Variants in DBN1 observed in about 807,000 individuals in gnomAD.
DBN1 encodes drebrin 1, also known as drebrin.
Under a neutral mutation model 83.5 loss-of-function variants are expected in DBN1, and 21 were observed. The ratio of observed to expected loss-of-function variants is 0.25; its 90% confidence interval spans 0.18 to 0.36. The LOEUF (loss-of-function observed/expected upper bound fraction) is 0.36. Ranked by LOEUF, DBN1 falls within the 10% of genes least tolerant of loss-of-function variation. DBN1 has a pLI of 1.00. For missense variants in DBN1, 874 were observed against 935.7 expected, an observed-to-expected ratio of 0.93 and a Z score of 0.86; for synonymous variants, 381 against 384.9, an observed-to-expected ratio of 0.99 and a Z score of 0.12.
At position 177,468,098 on chromosome 5, in the gene DBN1, G is replaced by A. The variant is rs369746454; in HGVS notation, c.255+10C>T. 10 of 1,583,900 alleles carry A rather than the reference G, an allele frequency of 6.3e-6. No homozygotes were observed. In the African/African-American group the frequency reaches 8.2e-5, roughly 13 times the overall value. On this transcript the variant is annotated intron_variant, in intron 3 of 14. Transcript: ENST00000393565. ...GCCCTCAGCCCCCTTCCCCAGCCCC[G>A]GCCGCATACCCAGTTGATGAGCACG...
intron 8 of DBN1, among the ~76,000 whole-genome samples, chr5:177,462,873 T>A (rs1448877682): frequency 6.6e-6 from 1 of 152,042 alleles, no homozygotes; most frequent in African/African-American, 2.4e-5. Flanking sequence ...CCTTTCCCAA[T>A]CAAATCTCCC....
chr5:177,462,703 G>A (rs1018989138), intron 8 of DBN1, among the ~76,000 whole-genome samples: 1 of 152,154 alleles, frequency 6.6e-6, no homozygotes, highest in Non-Finnish European at 1.5e-5. Context: ...GAAGTCCCAG[G>A]GCTGCTCTGT....
chr5:177,467,444 C>T lies in DBN1; in HGVS notation c.477+37G>A, dbSNP rs781016025. ...CAGGCCAGACTCGGGCACCAGGCCA[C>T]GCAGGCAGAGCCCACGGGTGCCAAA... On this transcript the variant is annotated intron_variant, in intron 5 of 14. Transcript: ENST00000393565. This position sits in a 1 kb window ranked among gnomAD's most constrained non-coding sequence, Gnocchi z 9.1. 41 of 1,609,850 alleles carry T rather than the reference C, an allele frequency of 2.5e-5. No homozygotes were observed. Among genetic ancestry groups the T allele is most frequent in the East Asian group, 4.5e-5 (2 of 44,832 alleles).
chr5:177,465,443 A>G (rs1341364578), intron 8 of DBN1, among the ~76,000 whole-genome samples: 1 of 152,242 alleles, frequency 6.6e-6, no homozygotes, highest in Non-Finnish European at 1.5e-5. Context: ...GAAGGGCAGA[A>G]TTTGTGTTTA....
chr5:177,462,548 A>G, intron 8 of DBN1: 1 of 328,268 alleles, frequency 3.0e-6, no homozygotes, highest in Non-Finnish European at 4.4e-6. Context: ...TGAGCAACGC[A>G]GGATGAGGAC....
chr5:177,468,934 G>A (rs1375848473), intron 1 of DBN1, 35 bp from the exon 2 acceptor site: 1 of 1,299,778 alleles, frequency 7.7e-7, no homozygotes, highest in Non-Finnish European at 9.9e-7. Flanking sequence ...CAAACTGTCA[G>A]GGCCCAGGCC....
intron 8 of DBN1, 133 bp from the exon 9 acceptor site, chr5:177,460,836 G>A: frequency 1.1e-6 from 1 of 883,690 alleles, no homozygotes; most frequent in Middle Eastern, 2.9e-4. Context: ...CTGGGGAGCA[G>A]TGGTACAATC....
At chr5:177,464,603 CAATAAATAAATA>C (rs58012739) in intron 8 of DBN1, among the ~76,000 whole-genome samples, 4,673 of 138,304 alleles carry the variant, frequency 0.034, 78 homozygotes, top group Non-Finnish European at 0.038. Flanking sequence ...ACTAAAAAGA[CAATAAATAAATA>C]AATAAATAAA....
chr5:177,473,426 G>A lies in DBN1; in HGVS notation c.86+10C>T. ...GACAAAGGGGCCGGGGGCGGGGGCG[G>A]GGGGCTCACCAGTCGGCCGCGCTCT... On this transcript the variant is annotated intron_variant, in intron 1 of 14. Coordinates refer to ENST00000393565, the MANE Select transcript of DBN1 (RefSeq NM_001363541.2). The A allele has an allele frequency of 7.2e-7, 1 of 1,393,086 alleles. No homozygotes were observed. Among genetic ancestry groups the A allele is most frequent in the Non-Finnish European group, 9.5e-7 (1 of 1,056,896 alleles). The allele number at this position is 1,393,086 out of a possible 1,614,324, so 86.3% of individuals were successfully genotyped here. A position where few individuals can be genotyped will look rare whatever the true frequency, so the allele number is the denominator to read the frequency against.
At position 177,460,473 on chromosome 5, in the gene DBN1, G is replaced by A. The variant is rs765629822; in HGVS notation, c.914C>T (p.Ala305Val). The part of the protein sequence containing the change: ...KQQERVASAS[A>V]GSCDVPSPFN... ...GGGCGAGGGTACATCACAGCTGCCC[G>A]CAGAGGCCGATGCGACTCTTTCCTG... is the stretch of plus-strand genomic sequence containing the variant. The change falls in exon 10 of 15, where the codon GCG (alanine) becomes GTG (valine). Residue 305 changes from alanine (A) to valine (V), a missense_variant. Physicochemically the swap from Ala to Val is moderately conservative, Grantham distance 64 (BLOSUM62 0). Transcript: ENST00000393565. 12 of 1,614,000 alleles carry A rather than the reference G, an allele frequency of 7.4e-6. No homozygotes were observed. The highest frequency in any genetic ancestry group is 2.7e-5 in the African/African-American group (2 of 74,892).
chr5:177,458,952 C>T lies in DBN1; in HGVS notation c.1264+146G>A, dbSNP rs1162093083. On this transcript the variant is annotated intron_variant, in intron 12 of 14. Coordinates refer to ENST00000393565, the MANE Select transcript of DBN1 (RefSeq NM_001363541.2). Reference sequence around the variant, plus strand: ...GGGCAGGTCTGACTGTACACCAGGGCTCCTCCCCACACAGCCGCCTCCAGG... The same window carrying T: ...GGGCAGGTCTGACTGTACACCAGGGTTCCTCCCCACACAGCCGCCTCCAGG... 31 of 1,387,080 alleles carry T rather than the reference C, an allele frequency of 2.2e-5. No homozygotes were observed. The Admixed American group carries it at 8.9e-4, about 40-fold the overall frequency. The allele number at this position is 1,387,080 out of a possible 1,614,324, so 85.9% of individuals were successfully genotyped here. A position where few individuals can be genotyped will look rare whatever the true frequency, so the allele number is the denominator to read the frequency against.
At chr5:177,464,023 G>A (rs1268457543) in intron 8 of DBN1, among the ~76,000 whole-genome samples, 1 of 152,048 alleles carries the variant, frequency 6.6e-6, no homozygotes, top group Non-Finnish European at 1.5e-5. Flanking sequence ...GCTGAGGCAG[G>A]AGAATCGCTT....
At position 177,457,594 on chromosome 5, in the gene DBN1, A is replaced by ACC. The variant is rs1561674841; in HGVS notation, c.2017+59_2017+60dup. 1.4e-5 allele frequency: 21 copies of ACC among 1,517,878 alleles called. No individual in the cohort carries two copies. In the Middle Eastern group the frequency reaches 1.0e-3, roughly 74 times the overall value. The allele number at this position is 1,517,878 out of a possible 1,614,324, so 94.0% of individuals were successfully genotyped here. Reference sequence around the variant, plus strand: ...AGCGGTGGGTAGTGGTGGGGTGGCTACCCACACTCAAATCCAGCCCCCGCA... The same window carrying ACC: ...AGCGGTGGGTAGTGGTGGGGTGGCTACCCCCACACTCAAATCCAGCCCCCGCA... On this transcript the variant is annotated intron_variant, in intron 14 of 14. Coordinates refer to ENST00000393565, the MANE Select transcript of DBN1 (RefSeq NM_001363541.2).
chr5:177,472,899 C>A, intron 1 of DBN1: 2 of 959,720 alleles, frequency 2.1e-6, no homozygotes, highest in Non-Finnish European at 1.2e-6. Context: ...TCCGAGAGGC[C>A]CCCCGGTGGG....
intron 8 of DBN1, among the ~76,000 whole-genome samples, chr5:177,461,434 C>T (rs1757038864): frequency 6.6e-6 from 1 of 152,146 alleles, no homozygotes; most frequent in Admixed American, 6.5e-5. Flanking sequence ...GCTTCTTTCG[C>T]AATCTGGCAG....
chr5:177,459,213 G>C lies in DBN1; in HGVS notation c.1149C>G (p.Ser383Arg). The change falls in exon 12 of 15, where the codon AGC (serine) becomes AGG (arginine). Residue 383 changes from serine (S) to arginine (R), a missense_variant. By Grantham distance (110) the Ser-to-Arg change is moderately radical. Coordinates refer to ENST00000393565, the MANE Select transcript of DBN1 (RefSeq NM_001363541.2). ...RMAPTPIPTR[S>R]PSDSSTASTP... is the part of the protein sequence containing the mutation. Reference sequence around the variant, plus strand: ...TGGAGGCGGTGCTGGAGTCAGACGGGCTCCGCGTGGGGATGGGAGTGGGCG... The same window carrying C: ...TGGAGGCGGTGCTGGAGTCAGACGGCCTCCGCGTGGGGATGGGAGTGGGCG... The C allele has an allele frequency of 6.2e-7, 1 of 1,610,964 alleles. No individual in the cohort carries two copies. Among genetic ancestry groups the C allele is most frequent in the Non-Finnish European group, 8.5e-7 (1 of 1,179,066 alleles).
intron 8 of DBN1, among the ~76,000 whole-genome samples, chr5:177,463,172 G>A (rs552487007): frequency 3.3e-5 from 5 of 152,306 alleles, no homozygotes; most frequent in African/African-American, 7.2e-5. Flanking sequence ...GAGTAGCTGG[G>A]ACTACAGGCG....
chr5:177,461,654 C>T (rs1021603892), intron 8 of DBN1, among the ~76,000 whole-genome samples: 8 of 152,180 alleles, frequency 5.3e-5, no homozygotes, highest in Non-Finnish European at 1.2e-4. Context: ...GGACCTCCTA[C>T]CCTAGTGCCG....
At chr5:177,460,801 A>C (rs1199357375) in intron 8 of DBN1, 98 bp from the exon 9 acceptor site, 21 of 1,295,750 alleles carry the variant, frequency 1.6e-5, no homozygotes, top group Non-Finnish European at 2.1e-5. Context: ...TGTTTTTAAG[A>C]CAGGTTCTCG....
Sources: allele counts gnomAD v4.1 joint callset (sites outside exome capture counted in the v4.1 genomes callset), GRCh38; gene constraint gnomAD v4.1.1; non-coding constraint Gnocchi (gnomAD v3.1); transcripts MANE v1.5; gene names NCBI Gene and HGNC (gene_info 2026-07-23, HGNC 2026-07-21).